The following SEM1 variants were observed in gnomAD, a reference collection of about 807,000 sequenced individuals.
SEM1 encodes the protein SEM1 26S proteasome subunit.
SEM1 carries 3 observed loss-of-function variants against 12.7 expected under a neutral mutation model. The observed-to-expected ratio is 0.24, with a 90% CI of 0.11 to 0.61. The LOEUF (loss-of-function observed/expected upper bound fraction) is 0.61, where lower values mean the gene tolerates loss of function less well. Ranked by LOEUF, SEM1 falls within the 20% of genes least tolerant of loss-of-function variation. SEM1 has a pLI of 0.88. For missense variants in SEM1, 59 were observed against 81.3 expected (o/e 0.73, Z 1.06); for synonymous variants, 30 against 27.8 (o/e 1.08, Z -0.25).
chr7:96,676,565 TA>T lies in SEM1; in HGVS notation c.171-2707del, dbSNP rs1789454105. ...TCATTAACAATGAAAGAAAAACAAG[TA>T]AAGGACTCAAGAACTTTCCATTAAT... On this transcript the variant is annotated intron_variant, in intron 2 of 2. Coordinates refer to the SEM1 transcript ENST00000413065. Among the ~76,000 whole-genome samples, 2 of 152,178 alleles carry T rather than the reference TA, an allele frequency of 1.3e-5. 1 individual carries two copies. The highest frequency in any genetic ancestry group is 1.3e-4 in the Admixed American group (2 of 15,264).
intron 2 of SEM1, among the ~76,000 whole-genome samples, chr7:96,615,639 T>G (rs1037889765): frequency 6.6e-6 from 1 of 152,242 alleles, no homozygotes; most frequent in Admixed American, 6.5e-5. Flanking sequence ...GCAGATATCT[T>G]AAATGTGTAT....
In SEM1 at chr7:96,692,673, T is replaced by C. The variant is rs544887217; in HGVS notation, c.170+2125A>G. Among the ~76,000 whole-genome samples, 3 of 152,228 alleles carry C rather than the reference T, an allele frequency of 2.0e-5. No homozygotes were observed. The East Asian group carries it at 5.8e-4, about 29-fold the overall frequency. On this transcript the variant is annotated intron_variant, in intron 2 of 2. Coordinates refer to ENST00000248566, the MANE Select transcript of SEM1 (RefSeq NM_006304.2). ...ACAGAAGGGGCTTCTAAGAGCCATA[T>C]ACTGATCATGAAGAATGAGAAAGAG...
chr7:96,497,799 C>A (rs1247214616), upstream of SEM1, among the ~76,000 whole-genome samples: 1 of 152,128 alleles, frequency 6.6e-6, no homozygotes, highest in East Asian at 1.9e-4. Flanking sequence ...AGTTTAATGA[C>A]CAAAGTATTT....
chr7:96,544,536 T>G (rs1805049639), intron 2 of SEM1, among the ~76,000 whole-genome samples: 1 of 152,030 alleles, frequency 6.6e-6, no homozygotes, highest in African/African-American at 2.4e-5. Context: ...AAACTATCTT[T>G]AATGTTTAAT....
At chr7:96,606,804 A>G (rs1563080833) in intron 2 of SEM1, among the ~76,000 whole-genome samples, 2 of 152,100 alleles carry the variant, frequency 1.3e-5, no homozygotes. Context: ...ATTTTCCCGT[A>G]ATGTGTTATT....
chr7:96,505,069 G>A (rs1261999793), intron 3 of SEM1, among the ~76,000 whole-genome samples: 2 of 151,472 alleles, frequency 1.3e-5, no homozygotes, highest in African/African-American at 2.4e-5. Flanking sequence ...TCAAAGTGGT[G>A]GTTTGTATTT....
intron 2 of SEM1, among the ~76,000 whole-genome samples, chr7:96,528,954 C>G (rs1804552595): frequency 6.6e-6 from 1 of 152,082 alleles, no homozygotes; most frequent in South Asian, 2.1e-4. Context: ...AAATTTAATG[C>G]AATTTACCCA....
chr7:96,670,574 G>A (rs1789289821), downstream of SEM1, among the ~76,000 whole-genome samples: 1 of 152,192 alleles, frequency 6.6e-6, no homozygotes, highest in Non-Finnish European at 1.5e-5. Flanking sequence ...CTGTCCCTGT[G>A]TGACCTAGTG....
At chr7:96,514,309 G>A (rs1804023667) in intron 2 of SEM1, among the ~76,000 whole-genome samples, 1 of 151,994 alleles carries the variant, frequency 6.6e-6, no homozygotes, top group African/African-American at 2.4e-5. Context: ...GAACTCCTGG[G>A]TTAAGCAATC....
intron 2 of SEM1, among the ~76,000 whole-genome samples, chr7:96,485,048 A>C (rs557361035): frequency 6.6e-6 from 1 of 152,304 alleles, no homozygotes; most frequent in African/African-American, 2.4e-5. Context: ...CCTGTGCACT[A>C]TGCCATGTTC....
At chr7:96,517,562 C>T (rs534715549) in intron 2 of SEM1, among the ~76,000 whole-genome samples, 26 of 152,072 alleles carry the variant, frequency 1.7e-4, no homozygotes, top group Admixed American at 5.9e-4. Context: ...TAATCACTAG[C>T]GAGATGGGGA....
chr7:96,585,348 G>A (rs968016410), intron 2 of SEM1, among the ~76,000 whole-genome samples: 2 of 152,216 alleles, frequency 1.3e-5, no homozygotes, highest in African/African-American at 4.8e-5. Flanking sequence ...CTTCGTGCTG[G>A]GAGAACCACT....
intron 2 of SEM1, among the ~76,000 whole-genome samples, chr7:96,570,568 C>A (rs1805990172): frequency 6.6e-6 from 1 of 152,112 alleles, no homozygotes. Flanking sequence ...TATATATGTG[C>A]CACATTTTCT....
chr7:96,709,683 G>C lies in SEM1; in HGVS notation c.76+5C>G, dbSNP rs750052961. 3.1e-6 allele frequency: 5 copies of C among 1,612,876 alleles called. No homozygotes were observed. The highest frequency in any genetic ancestry group is 4.2e-6 in the Non-Finnish European group (5 of 1,179,416). ...GCGACACAGAAACCGGGGCCCAGCG[G>C]TTACCTTCGGCAGGGAACTCTTCAA... On this transcript the variant is annotated splice_donor_5th_base_variant and intron_variant, in intron 1 of 2. Transcript: ENST00000248566.
intron 2 of SEM1, among the ~76,000 whole-genome samples, chr7:96,544,577 TAAAC>T (rs1563054018): frequency 6.6e-6 from 1 of 152,036 alleles, no homozygotes; most frequent in Non-Finnish European, 1.5e-5. Context: ...AATTGACACT[TAAAC>T]AACATGGGGG....
At chr7:96,496,434 G>T (rs1803263720), upstream of SEM1, 3 of 577,712 alleles carry the variant, frequency 5.2e-6, no homozygotes, top group Non-Finnish European at 9.0e-6. Context: ...TCTTTATACT[G>T]CCCCCCCCAA....
intron 2 of SEM1, among the ~76,000 whole-genome samples, chr7:96,573,109 G>GTTTTTTTTTTTT (rs142630776): frequency 7.4e-6 from 1 of 135,962 alleles, no homozygotes. Context: ...TGCAACCCCT[G>GTTTTTTTTTTTT]TTTTTTTTTT....
chr7:96,626,058 T>G (rs1260887467), intron 2 of SEM1, among the ~76,000 whole-genome samples: 2 of 152,190 alleles, frequency 1.3e-5, no homozygotes, highest in Non-Finnish European at 2.9e-5. Flanking sequence ...AATGTATGAT[T>G]AAATTATTTT....
At chr7:96,560,967 A>C (rs1252156560) in intron 2 of SEM1, among the ~76,000 whole-genome samples, 2 of 152,012 alleles carry the variant, frequency 1.3e-5, no homozygotes, top group Non-Finnish European at 2.9e-5. Context: ...AATTTTTTAG[A>C]GACAGGGTCT....
Sources: gnomAD v4.1 joint callset for allele counts (sites outside exome capture counted in the v4.1 genomes callset) on GRCh38, gnomAD v4.1.1 for gene constraint, MANE v1.5 for transcripts, NCBI Gene and HGNC (gene_info 2026-07-23, HGNC 2026-07-21) for gene names.